MRPS28: variants seen among roughly 807,000 people sequenced by gnomAD.
MRPS28 encodes small ribosomal subunit protein bS1m.
MRPS28 carries 7 observed loss-of-function variants against 10.8 expected under a neutral mutation model. The ratio of observed to expected loss-of-function variants is 0.65; its 90% CI spans 0.37 to 1.22. The LOEUF is 1.22. MRPS28 is among the 50% of genes most tolerant of loss of function. The pLI is 0.02. For synonymous variants in MRPS28, 121 were observed against 93.3 expected (o/e 1.30, Z -1.71); for missense variants, 265 against 232.9 (o/e 1.14, Z -0.90).
intron 1 of MRPS28, among the ~76,000 whole-genome samples, chr8:80,016,317 C>A (rs1311747220): frequency 6.6e-6 from 1 of 151,174 alleles, no homozygotes; most frequent in Non-Finnish European, 1.5e-5. Flanking sequence ...AGCTTTCCTA[C>A]AGAGGAGAAA....
At chr8:80,029,895 C>T in intron 1 of MRPS28, 141 bp downstream of exon 1, 1 of 1,536,466 alleles carries the variant, frequency 6.5e-7, no homozygotes. Flanking sequence ...AGGGCTGAGC[C>T]ACAACGCACC....
intron 2 of MRPS28, among the ~76,000 whole-genome samples, chr8:79,997,872 C>A (rs962304312): frequency 6.6e-6 from 1 of 151,758 alleles, no homozygotes; most frequent in Non-Finnish European, 1.5e-5. Context: ...CTGGCCAACA[C>A]GGCAAAACCC....
At chr8:79,922,080 C>A (rs985228462) in intron 2 of MRPS28, among the ~76,000 whole-genome samples, 1 of 152,002 alleles carries the variant, frequency 6.6e-6, no homozygotes, top group Non-Finnish European at 1.5e-5. Flanking sequence ...TGCTGGATTA[C>A]GTTTATTGAT....
intron 2 of MRPS28, among the ~76,000 whole-genome samples, chr8:79,953,129 C>T (rs1226159855): frequency 6.6e-6 from 1 of 152,178 alleles, no homozygotes; most frequent in African/African-American, 2.4e-5. Flanking sequence ...GGTGCTCTCA[C>T]AGTGGAAGAC....
chr8:79,949,177 A>G (rs1300414730), intron 2 of MRPS28, among the ~76,000 whole-genome samples: 2 of 152,318 alleles, frequency 1.3e-5, no homozygotes, highest in South Asian at 2.1e-4. Flanking sequence ...ACACTTTGGG[A>G]GGCCAAGGCG....
At chr8:79,938,795 G>A (rs1319282446) in intron 2 of MRPS28, among the ~76,000 whole-genome samples, 1 of 152,016 alleles carries the variant, frequency 6.6e-6, no homozygotes, top group Non-Finnish European at 1.5e-5. Flanking sequence ...TAGAGAAGTT[G>A]GACTATAGGT....
intron 2 of MRPS28, among the ~76,000 whole-genome samples, chr8:79,948,112 T>C (rs1806974196): frequency 6.6e-6 from 1 of 151,542 alleles, no homozygotes; most frequent in African/African-American, 2.4e-5. Context: ...CTCGGCCTCC[T>C]GAGCAGCTAG....
chr8:79,984,985 C>G (rs540059130), intron 2 of MRPS28, among the ~76,000 whole-genome samples: 2 of 152,212 alleles, frequency 1.3e-5, no homozygotes, highest in African/African-American at 4.8e-5. Flanking sequence ...TTTTTCAGCA[C>G]CACACCACAC....
intron 2 of MRPS28, chr8:79,958,331 CTTCT>C (rs779814670): frequency 1.0e-5 from 7 of 689,942 alleles, no homozygotes; most frequent in South Asian, 1.5e-5. Flanking sequence ...TGTATTACAA[CTTCT>C]TTATCTTTTA....
chr8:79,939,474 C>T (rs1189512040), intron 2 of MRPS28, among the ~76,000 whole-genome samples: 7 of 152,122 alleles, frequency 4.6e-5, no homozygotes, highest in African/African-American at 1.7e-4. Context: ...AAAAATCGGC[C>T]TGGTCTCAAT....
intron 2 of MRPS28, among the ~76,000 whole-genome samples, chr8:79,957,546 C>CAAAAAAAAAAAAAAAAAAAAAAAA (rs35772888): frequency 1.2e-5 from 1 of 85,002 alleles, no homozygotes; most frequent in Non-Finnish European, 2.4e-5. Context: ...CTTGTCTCTA[C>CAAAAAAAAAAAAAAAAAAAAAAAA]AAAAAAAAAA....
chr8:80,011,922 T>C (rs1440957120), intron 1 of MRPS28, among the ~76,000 whole-genome samples: 1 of 152,204 alleles, frequency 6.6e-6, no homozygotes, highest in African/African-American at 2.4e-5. Flanking sequence ...TGAAGAGATG[T>C]TTGAGCTAAG....
chr8:79,979,595 C>G (rs1807896124), intron 2 of MRPS28, among the ~76,000 whole-genome samples: 1 of 152,118 alleles, frequency 6.6e-6, no homozygotes, highest in Non-Finnish European at 1.5e-5. Flanking sequence ...ACAAACACAG[C>G]TCACTCCAGC....
intron 2 of MRPS28, among the ~76,000 whole-genome samples, chr8:79,948,787 C>T (rs562485231): frequency 7.9e-5 from 12 of 151,864 alleles, no homozygotes; most frequent in Non-Finnish European, 1.6e-4. Context: ...CAAGTTAAAC[C>T]GAACTTACAT....
At chr8:80,025,339 G>A (rs1809468230) in intron 1 of MRPS28, among the ~76,000 whole-genome samples, 1 of 152,068 alleles carries the variant, frequency 6.6e-6, no homozygotes, top group African/African-American at 2.4e-5. Context: ...GAGTTGATAC[G>A]GGGGTGAGGA....
chr8:79,940,156 G>A lies in MRPS28; in HGVS notation c.396-21008C>T, dbSNP rs546129684. 2.0e-5 allele frequency among the ~76,000 whole-genome samples: 3 copies of A among 152,098 alleles called. No individual in the cohort carries two copies. The East Asian group carries it at 5.8e-4, about 29-fold the overall frequency. On this transcript the variant is annotated intron_variant, in intron 2 of 2. Transcript: ENST00000276585. Reference sequence around the variant, plus strand: ...ATATTAGGGGTAAGATTAATGAATTGCATATTGAGCAAAAATCTCTGGTAA... The same window carrying A: ...ATATTAGGGGTAAGATTAATGAATTACATATTGAGCAAAAATCTCTGGTAA...
chr8:79,978,969 T>C (rs928456929), intron 2 of MRPS28, among the ~76,000 whole-genome samples: 1 of 152,246 alleles, frequency 6.6e-6, no homozygotes, highest in Non-Finnish European at 1.5e-5. Flanking sequence ...TAGTCATTTC[T>C]AATATAAAAT....
Position 79,919,116 on chromosome 8 carries a change from C to T in MRPS28, c.428G>A (p.Arg143Gln), listed in dbSNP as rs200994359. ...KYQKGTRVRL[R>Q]LLDLELTSRF... ...AGACGTAAGTTCAAGATCTAATAGC[C>T]GCAACCGGACCCTGGTTCCTTTCTG... Residue 143 changes from arginine (R) to glutamine (Q), a missense_variant, in exon 3 of 3, where the codon CGG (arginine) becomes CAG (glutamine). By Grantham distance (43) the Arg-to-Gln change is conservative. Transcript: ENST00000276585. 97 of 1,599,186 alleles carry T rather than the reference C, an allele frequency of 6.1e-5. No individual in the cohort carries two copies. The Middle Eastern group carries it at 1.5e-3, about 25-fold the overall frequency.
At chr8:79,924,464 G>A (rs980809127) in intron 2 of MRPS28, among the ~76,000 whole-genome samples, 2 of 152,184 alleles carry the variant, frequency 1.3e-5, no homozygotes, top group Non-Finnish European at 2.9e-5. Flanking sequence ...AGGAATGTGT[G>A]TGTATTTTCT....
Sources: gnomAD v4.1 joint callset for allele counts (sites outside exome capture counted in the v4.1 genomes callset) on GRCh38, gnomAD v4.1.1 for gene constraint, MANE v1.5 for transcripts, NCBI Gene and HGNC (gene_info 2026-07-23, HGNC 2026-07-21) for gene names.